Variants in GDPD1 observed in about 807,000 individuals in gnomAD.
GDPD1 encodes lysophospholipase D GDPD1.
A neutral mutation model predicts 45.1 loss-of-function variants in GDPD1; 28 were observed. The observed-to-expected ratio is 0.62, with a 90% CI of 0.46 to 0.85. The LOEUF (loss-of-function observed/expected upper bound fraction) is 0.85, where lower values mean the gene tolerates loss of function less well. Among genes scored for constraint, GDPD1 ranks in the 40% least tolerant of loss-of-function variants. The probability of loss-of-function intolerance (pLI) is 0.00; values close to 1 mark genes in which losing one functional copy is unlikely to be tolerated. For missense variants in GDPD1, 256 were observed against 364.8 expected, an observed-to-expected ratio of 0.70 and a Z score of 2.43; for synonymous variants, 139 against 131.4, an observed-to-expected ratio of 1.06 and a Z score of -0.40.
intron 3 of GDPD1, among the ~76,000 whole-genome samples, chr17:59,246,811 A>G (rs2047215965): frequency 6.6e-6 from 1 of 150,648 alleles, no homozygotes; most frequent in Non-Finnish European, 1.5e-5. Context: ...TCCATCGCCC[A>G]GGCTGGAGTG....
chr17:59,226,867 GACGGGGTTTCA>G (rs2047051154), intron 1 of GDPD1, among the ~76,000 whole-genome samples: 1 of 151,212 alleles, frequency 6.6e-6, no homozygotes, highest in Non-Finnish European at 1.5e-5. Flanking sequence ...TTTTAGTAGA[GACGGGGTTTCA>G]CCATGTTGGC....
At chr17:59,230,991 G>GCTTC (rs2047084866) in intron 1 of GDPD1, among the ~76,000 whole-genome samples, 1 of 152,182 alleles carries the variant, frequency 6.6e-6, no homozygotes, top group Non-Finnish European at 1.5e-5. Context: ...GTAGGCAAAA[G>GCTTC]CTTCCTTCCT....
rs1491392886 is a variant in GDPD1 at position 59,255,830 on chromosome 17, CGT to C, written c.368-1291_368-1290del. Among the ~76,000 whole-genome samples, 102 of 32,636 alleles carry C rather than the reference CGT, an allele frequency of 3.1e-3. 7 individuals carry two copies. Among genetic ancestry groups the C allele is most frequent in the African/African-American group, 0.017 (65 of 3,816 alleles). The allele number at this position is 32,636 out of a possible 152,430, so 21.4% of individuals were successfully genotyped here. A position where few individuals can be genotyped will look rare whatever the true frequency, so the allele number is the denominator to read the frequency against. ...ATATATACGCGTATATATATATACG[CGT>C]ATATATATATATATATATACACACG... On this transcript the variant is annotated intron_variant, in intron 4 of 9. Coordinates refer to ENST00000284116, the MANE Select transcript of GDPD1 (RefSeq NM_182569.4).
At chr17:59,255,411 G>T (rs530192015) in intron 4 of GDPD1, among the ~76,000 whole-genome samples, 1 of 150,948 alleles carries the variant, frequency 6.6e-6, no homozygotes, top group African/African-American at 2.4e-5. Flanking sequence ...GACCAGCCTG[G>T]GCAAAATACA....
At chr17:59,264,276 A>T (rs999837367) in intron 6 of GDPD1, among the ~76,000 whole-genome samples, 1 of 151,154 alleles carries the variant, frequency 6.6e-6, no homozygotes, top group Non-Finnish European at 1.5e-5. Flanking sequence ...TCGGGATTAC[A>T]GGCATGAGCC....
chr17:59,233,814 A>G (rs2047110638), intron 1 of GDPD1, among the ~76,000 whole-genome samples: 1 of 152,226 alleles, frequency 6.6e-6, no homozygotes, highest in Non-Finnish European at 1.5e-5. Flanking sequence ...TGATGAAGAG[A>G]GTGGCTCCTT....
At chr17:59,263,775 C>T (rs1342242485) in intron 6 of GDPD1, among the ~76,000 whole-genome samples, 1 of 151,896 alleles carries the variant, frequency 6.6e-6, no homozygotes, top group Non-Finnish European at 1.5e-5. Context: ...CCACCACGCC[C>T]AGCCTACTTT....
intron 1 of GDPD1, among the ~76,000 whole-genome samples, chr17:59,222,978 T>G (rs1233246582): frequency 6.6e-6 from 1 of 152,198 alleles, no homozygotes; most frequent in African/African-American, 2.4e-5. Flanking sequence ...TTGTGAATGA[T>G]CAAAATTTTA....
intron 4 of GDPD1, among the ~76,000 whole-genome samples, chr17:59,250,958 G>A (rs78625516): frequency 0.045 from 6,890 of 152,014 alleles, 236 homozygotes; most frequent in East Asian, 0.13. Flanking sequence ...ACCCCCCCTT[G>A]CCCTCCCAAA....
intron 6 of GDPD1, among the ~76,000 whole-genome samples, chr17:59,266,576 G>C (rs2047400685): frequency 6.6e-6 from 1 of 151,828 alleles, no homozygotes; most frequent in South Asian, 2.1e-4. Flanking sequence ...TTTTATATTT[G>C]ATTCATAACA....
At chr17:59,242,936 C>T (rs1258279214) in intron 2 of GDPD1, among the ~76,000 whole-genome samples, 9 of 152,204 alleles carry the variant, frequency 5.9e-5, no homozygotes, top group African/African-American at 2.2e-4. Flanking sequence ...TGGTGGTTCA[C>T]ACCTGTGATC....
At chr17:59,270,091 G>A (rs1386253037) in intron 7 of GDPD1, among the ~76,000 whole-genome samples, 1 of 151,998 alleles carries the variant, frequency 6.6e-6, no homozygotes, top group Non-Finnish European at 1.5e-5. Context: ...GTTTAATGAG[G>A]TAATCAGTAT....
chr17:59,233,864 G>T (rs2047111011), intron 1 of GDPD1, among the ~76,000 whole-genome samples: 1 of 152,124 alleles, frequency 6.6e-6, no homozygotes, highest in South Asian at 2.1e-4. Flanking sequence ...TTTGTTTCGT[G>T]CATAAAATTA....
chr17:59,272,966 A>G (rs1597996670), intron 9 of GDPD1, 130 bp downstream of exon 9: 3 of 1,571,798 alleles, frequency 1.9e-6, no homozygotes, highest in East Asian at 2.3e-5. Flanking sequence ...CTGATCCACA[A>G]ATGAGGACCT....
intron 2 of GDPD1, among the ~76,000 whole-genome samples, 169 bp from the exon 3 acceptor site, chr17:59,245,245 A>G (rs2047201482): frequency 6.6e-6 from 1 of 152,200 alleles, no homozygotes; most frequent in African/African-American, 2.4e-5. Context: ...TTTTATTCTC[A>G]GTTCATTTAG....
chr17:59,257,186 T>C lies in GDPD1; in HGVS notation c.432T>C (p.Pro144=). 1 of 1,608,396 alleles carries C rather than the reference T, an allele frequency of 6.2e-7. No individual in the cohort carries two copies. The highest frequency in any genetic ancestry group is 8.5e-7 in the Non-Finnish European group (1 of 1,177,236). ...TGAAGGAAGTTTTTGAGGCCTTTCC[T>C]AACACTCCCATTAACATCGATATCA... ...PLLKEVFEAF[P]NTPINIDIKV... is the part of the protein sequence containing the mutation. Residue 144 remains proline, a synonymous_variant, in exon 5 of 10, where the codon CCT becomes CCC. Transcript: ENST00000284116.
chr17:59,268,899 A>G (rs2047421933), intron 7 of GDPD1, among the ~76,000 whole-genome samples: 4 of 151,758 alleles, frequency 2.6e-5, no homozygotes, highest in Non-Finnish European at 5.9e-5. Flanking sequence ...AAAATTAGCC[A>G]GGCTCGCCTG....
chr17:59,274,889 C>G lies in GDPD1; in HGVS notation c.*1116C>G, dbSNP rs1401079618. Among the ~76,000 whole-genome samples, 1 of 149,906 alleles carries G rather than the reference C, an allele frequency of 6.7e-6. No individual in the cohort carries two copies. Among genetic ancestry groups the G allele is most frequent in the Admixed American group, 6.6e-5 (1 of 15,056 alleles). On this transcript the variant is annotated 3_prime_UTR_variant, in exon 10 of 10. Coordinates refer to ENST00000284116, the MANE Select transcript of GDPD1 (RefSeq NM_182569.4). The stretch of plus-strand genomic sequence containing the variant: ...TGTAGTCTTGCTCTGTCGCCGAGGC[C>G]GGAGTGCAGTGGTGCGATCTTGGCT...
In GDPD1 at chr17:59,241,273, G is replaced by A. The variant is rs115190864; in HGVS notation, c.186-4141G>A. Among the ~76,000 whole-genome samples the A allele has an allele frequency of 7.6e-3, 1,153 of 152,264 alleles. 7 individuals carry two copies. The highest frequency in any genetic ancestry group is 0.026 in the African/African-American group (1,070 of 41,548). On this transcript the variant is annotated intron_variant, in intron 2 of 9. Transcript: ENST00000284116. Reference sequence around the variant, plus strand: ...CAGGAGTATACATTTACCCCACATAGGTGATTCACAGATAAAATAAGAATC... The same window carrying A: ...CAGGAGTATACATTTACCCCACATAAGTGATTCACAGATAAAATAAGAATC...
Sources: allele counts gnomAD v4.1 joint callset (sites outside exome capture counted in the v4.1 genomes callset), GRCh38; gene constraint gnomAD v4.1.1; transcripts MANE v1.5; gene names NCBI Gene and HGNC (gene_info 2026-07-23, HGNC 2026-07-21).